ARHGAP28: variants seen among roughly 807,000 people sequenced by gnomAD.
ARHGAP28 encodes Rho GTPase activating protein 28, also known as rho GTPase-activating protein 28.
In ARHGAP28, 56 loss-of-function variants were observed where a neutral mutation model predicts 90.7. That is an observed-to-expected ratio of 0.62 (90% CI 0.50 to 0.77). ARHGAP28 has a LOEUF of 0.77. Ranked by LOEUF, ARHGAP28 falls within the 30% of genes least tolerant of loss-of-function variation. The pLI is 0.00. For missense variants in ARHGAP28, 869 were observed against 900.9 expected (o/e 0.96, Z 0.45); for synonymous variants, 308 against 323.3 (o/e 0.95, Z 0.51).
intron 16 of ARHGAP28, chr18:6,898,581 A>G (rs777805680): frequency 2.5e-6 from 4 of 1,603,814 alleles, no homozygotes; most frequent in Non-Finnish European, 3.4e-6. Context: ...ATAGGCAGTC[A>G]TATAGAGACT....
chr18:6,819,239 T>C (rs930158272), intron 1 of ARHGAP28, among the ~76,000 whole-genome samples: 5 of 152,182 alleles, frequency 3.3e-5, no homozygotes, highest in African/African-American at 1.2e-4. Context: ...ATCTGTTATG[T>C]TTACAATGTT....
intron 2 of ARHGAP28, among the ~76,000 whole-genome samples, chr18:6,826,120 T>TG (rs943000213): frequency 1.3e-5 from 2 of 151,382 alleles, no homozygotes; most frequent in Admixed American, 6.6e-5. Flanking sequence ...TGCCAGTGTT[T>TG]TTTTTTTTTT....
chr18:6,811,580 T>C (rs1281592611), intron 1 of ARHGAP28, among the ~76,000 whole-genome samples: 1 of 152,194 alleles, frequency 6.6e-6, no homozygotes, highest in East Asian at 1.9e-4. Flanking sequence ...TTCACTGTGT[T>C]CAGAAGTGCA....
Position 6,915,061 on chromosome 18 carries a change from T to C in ARHGAP28, c.*2907T>C, listed in dbSNP as rs2143908832. 1 of 152,730 alleles carries C rather than the reference T, an allele frequency of 6.5e-6. No homozygotes were observed. Among genetic ancestry groups the C allele is most frequent in the Non-Finnish European group, 1.5e-5 (1 of 68,032 alleles). The allele number at this position is 152,730 out of a possible 1,614,324, so 9.5% of individuals were successfully genotyped here. Reference sequence around the variant, plus strand: ...TTAAATCACTTCAGTTAGCTTTCAGTGTATGTTTAATAATATACATTTAAT... The same window carrying C: ...TTAAATCACTTCAGTTAGCTTTCAGCGTATGTTTAATAATATACATTTAAT... On this transcript the variant is annotated 3_prime_UTR_variant, in exon 18 of 18. Coordinates refer to ENST00000383472, the MANE Select transcript of ARHGAP28 (RefSeq NM_001366230.1).
In ARHGAP28 at chr18:6,842,193, A is replaced by T. The variant is rs920825077; in HGVS notation, c.543+4779A>T. 7.9e-5 allele frequency among the ~76,000 whole-genome samples: 12 copies of T among 152,148 alleles called. No homozygotes were observed. In the South Asian group the frequency reaches 8.3e-4, roughly 11 times the overall value. ...GCGAGACCATGTCTCTACAAAAAAA[A>T]TTTTTTTAAATTAGCCAGTTGCGGT... On this transcript the variant is annotated intron_variant, in intron 3 of 17. Coordinates refer to ENST00000383472, the MANE Select transcript of ARHGAP28 (RefSeq NM_001366230.1).
At chr18:6,848,463 G>A (rs12954618) in intron 3 of ARHGAP28, among the ~76,000 whole-genome samples, 108,360 of 152,018 alleles carry the variant, frequency 0.71, 38,820 homozygotes, top group East Asian at 0.84. Context: ...CAGCAGTAAA[G>A]TAAGGAGACA....
chr18:6,909,670 A>G (rs559704513), intron 17 of ARHGAP28, among the ~76,000 whole-genome samples: 1 of 152,300 alleles, frequency 6.6e-6, no homozygotes. Context: ...ATACTGTAAG[A>G]ACTTTCAGAA....
At chr18:6,909,275 C>CTTTTT in intron 17 of ARHGAP28, among the ~76,000 whole-genome samples, 1 of 51,980 alleles carries the variant, frequency 1.9e-5, no homozygotes, top group Non-Finnish European at 5.4e-5. Flanking sequence ...CTTTTCTTTG[C>CTTTTT]TTTTCTTTTC....
intron 2 of ARHGAP28, among the ~76,000 whole-genome samples, chr18:6,831,114 A>G (rs1053424197): frequency 1.3e-5 from 2 of 152,204 alleles, no homozygotes; most frequent in African/African-American, 4.8e-5. Context: ...AGTCTCCATC[A>G]TATGAGTGAT....
chr18:6,839,400 T>C (rs1477202019), intron 3 of ARHGAP28, among the ~76,000 whole-genome samples: 1 of 151,440 alleles, frequency 6.6e-6, no homozygotes, highest in Non-Finnish European at 1.5e-5. Flanking sequence ...TTCACGCCAT[T>C]CTCCCCCCTC....
At chr18:6,837,458 CTGGGGATGGGGTAGGG>C in intron 3 of ARHGAP28, 44 bp downstream of exon 3, 4 of 762,694 alleles carry the variant, frequency 5.2e-6, no homozygotes, top group South Asian at 1.4e-5. Flanking sequence ...CCTAGTTTGA[CTGGGGATGGGGTAGGG>C]TGGGGCTGGG....
At chr18:6,848,151 A>G (rs1373890142) in intron 3 of ARHGAP28, among the ~76,000 whole-genome samples, 1 of 152,172 alleles carries the variant, frequency 6.6e-6, no homozygotes, top group Non-Finnish European at 1.5e-5. Context: ...GCCAGTCATA[A>G]CATTGAGGAA....
intron 1 of ARHGAP28, among the ~76,000 whole-genome samples, chr18:6,751,929 G>A (rs1263099332): frequency 1.3e-5 from 2 of 151,902 alleles, no homozygotes; most frequent in African/African-American, 2.4e-5. Flanking sequence ...AAATAGCAAA[G>A]TACCTTCCGT....
chr18:6,736,672 A>T (rs545056916), intron 1 of ARHGAP28, among the ~76,000 whole-genome samples: 61 of 149,710 alleles, frequency 4.1e-4, no homozygotes, highest in African/African-American at 1.5e-3. Flanking sequence ...ACTTGAACCC[A>T]GGAGGCGGAG....
intron 4 of ARHGAP28, among the ~76,000 whole-genome samples, chr18:6,852,365 G>T (rs562395199): frequency 6.6e-6 from 1 of 152,140 alleles, no homozygotes; most frequent in Non-Finnish European, 1.5e-5. Context: ...TTGGTTTATT[G>T]AAAATGTAAA....
chr18:6,857,855 A>G lies in ARHGAP28; in HGVS notation c.637-1953A>G, dbSNP rs1031866278. On this transcript the variant is annotated intron_variant, in intron 4 of 17. Transcript: ENST00000383472. ...TTCCGATTGTATAGGAAATTATTGT[A>G]TGTTTCCTTTGCAGTTGAGTAGATC... Among the ~76,000 whole-genome samples, 6 of 152,314 alleles carry G rather than the reference A, an allele frequency of 3.9e-5. 1 individual carries two copies. Among genetic ancestry groups the G allele is most frequent in the Admixed American group, 2.0e-4 (3 of 15,306 alleles).
intron 1 of ARHGAP28, among the ~76,000 whole-genome samples, chr18:6,781,753 G>T (rs184836192): frequency 2.0e-5 from 3 of 152,298 alleles, no homozygotes; most frequent in Admixed American, 2.0e-4. Flanking sequence ...TGCTCATAAT[G>T]ATTTTTTCCT....
At chr18:6,786,440 G>A (rs1313011667) in intron 1 of ARHGAP28, among the ~76,000 whole-genome samples, 1 of 152,140 alleles carries the variant, frequency 6.6e-6, no homozygotes, top group East Asian at 1.9e-4. Context: ...GAACCCAGTG[G>A]AGAAGAGCAG....
intron 1 of ARHGAP28, among the ~76,000 whole-genome samples, chr18:6,744,967 AATTAT>A (rs2056010330): frequency 1.3e-5 from 2 of 151,912 alleles, no homozygotes; most frequent in African/African-American, 4.8e-5. Context: ...TACTTAATTT[AATTAT>A]ATTTAATTTA....
Sources: allele counts gnomAD v4.1 joint callset (sites outside exome capture counted in the v4.1 genomes callset), GRCh38; gene constraint gnomAD v4.1.1; transcripts MANE v1.5; gene names NCBI Gene and HGNC (gene_info 2026-07-23, HGNC 2026-07-21).